Variants in GPC5 observed in about 807,000 individuals in gnomAD.
GPC5 encodes the protein glypican 5.
A neutral mutation model predicts 53.9 loss-of-function variants in GPC5; 47 were observed. That is an observed-to-expected ratio of 0.87 (90% CI 0.69 to 1.11). The LOEUF is 1.11. GPC5 is among the 50% of genes most tolerant of loss of function. The probability of loss-of-function intolerance (pLI) is 0.00; values close to 1 mark genes in which losing one functional copy is unlikely to be tolerated. For synonymous variants in GPC5, 286 were observed against 263.3 expected, an observed-to-expected ratio of 1.09 and a Z score of -0.84; for missense variants, 748 against 713.1, an observed-to-expected ratio of 1.05 and a Z score of -0.56.
intron 7 of GPC5, among the ~76,000 whole-genome samples, chr13:92,842,299 A>G (rs1381557657): frequency 6.6e-6 from 1 of 152,124 alleles, no homozygotes; most frequent in African/African-American, 2.4e-5. Flanking sequence ...CTCATGGCAC[A>G]AGCAGCATGA....
chr13:91,440,014 T>C (rs556626356), intron 1 of GPC5, among the ~76,000 whole-genome samples: 1 of 152,320 alleles, frequency 6.6e-6, no homozygotes, highest in Admixed American at 6.5e-5. Context: ...TTCTTGCCTT[T>C]TCCTTTTTTC....
intron 6 of GPC5, among the ~76,000 whole-genome samples, chr13:91,983,805 C>G (rs1037202988): frequency 6.6e-6 from 1 of 152,164 alleles, no homozygotes; most frequent in African/African-American, 2.4e-5. Flanking sequence ...ATTTCATATT[C>G]GTAATTGGAA....
intron 6 of GPC5, among the ~76,000 whole-genome samples, chr13:91,987,537 G>T (rs1347957589): frequency 6.6e-6 from 1 of 151,760 alleles, no homozygotes; most frequent in African/African-American, 2.4e-5. Context: ...TATGCATTTA[G>T]TTCACTTTGT....
At chr13:92,549,880 C>CAT (rs1252986062) in intron 7 of GPC5, among the ~76,000 whole-genome samples, 2 of 104,922 alleles carry the variant, frequency 1.9e-5, no homozygotes, top group African/African-American at 4.4e-5. Flanking sequence ...ACCAAACACA[C>CAT]ACATACACAC....
chr13:91,665,766 A>G (rs11843298), intron 2 of GPC5, among the ~76,000 whole-genome samples: 38,268 of 151,948 alleles, frequency 0.25, 6,688 homozygotes, highest in African/African-American at 0.49. Flanking sequence ...CAGCCTCCCA[A>G]AGTGCTGGGA....
intron 5 of GPC5, among the ~76,000 whole-genome samples, chr13:91,804,563 C>T (rs753174462): frequency 6.6e-6 from 1 of 152,162 alleles, no homozygotes; most frequent in Non-Finnish European, 1.5e-5. Context: ...TGTTAGCCAT[C>T]AAAAGGAGGC....
intron 2 of GPC5, among the ~76,000 whole-genome samples, chr13:91,601,306 T>A (rs1389046745): frequency 6.6e-6 from 1 of 152,204 alleles, no homozygotes; most frequent in Non-Finnish European, 1.5e-5. Flanking sequence ...ATTTATCCCA[T>A]CTTGGACTTA....
At chr13:91,708,880 A>G (rs996237138) in intron 3 of GPC5, among the ~76,000 whole-genome samples, 2 of 152,216 alleles carry the variant, frequency 1.3e-5, no homozygotes, top group African/African-American at 4.8e-5. Flanking sequence ...ACTATGACAT[A>G]TTAAATATGT....
chr13:92,049,469 G>T (rs568983560), intron 6 of GPC5, among the ~76,000 whole-genome samples: 24 of 152,108 alleles, frequency 1.6e-4, no homozygotes, highest in Admixed American at 9.2e-4. Flanking sequence ...CTGAGCTCCA[G>T]ATAAAAAGAC....
intron 7 of GPC5, among the ~76,000 whole-genome samples, chr13:92,747,790 G>C (rs1889275675): frequency 6.6e-6 from 1 of 152,128 alleles, no homozygotes; most frequent in South Asian, 2.1e-4. Flanking sequence ...GGCATTTACT[G>C]CTACAATATA....
At chr13:92,148,743 G>A (rs2041886385) in intron 7 of GPC5, among the ~76,000 whole-genome samples, 1 of 152,052 alleles carries the variant, frequency 6.6e-6, no homozygotes. Flanking sequence ...GCTAACTGAT[G>A]AAGGTTCTAA....
At chr13:91,836,750 T>A (rs933751370) in intron 5 of GPC5, among the ~76,000 whole-genome samples, 2 of 151,852 alleles carry the variant, frequency 1.3e-5, no homozygotes, top group African/African-American at 4.8e-5. Context: ...AATCCTTAAT[T>A]TTTGCTGACT....
intron 7 of GPC5, among the ~76,000 whole-genome samples, chr13:92,583,588 G>A (rs1440847035): frequency 1.3e-5 from 2 of 152,150 alleles, no homozygotes; most frequent in African/African-American, 4.8e-5. Flanking sequence ...AGGAGTTTCT[G>A]GAACCCAGCA....
chr13:91,684,085 T>C (rs2035568421), intron 2 of GPC5, among the ~76,000 whole-genome samples: 1 of 152,190 alleles, frequency 6.6e-6, no homozygotes. Context: ...TCTACTTGCA[T>C]TATTTTCTTC....
At chr13:92,320,632 C>T (rs2043209486) in intron 7 of GPC5, among the ~76,000 whole-genome samples, 1 of 152,102 alleles carries the variant, frequency 6.6e-6, no homozygotes, top group African/African-American at 2.4e-5. Flanking sequence ...TTCTTAATGA[C>T]CCTTGATAAG....
chr13:92,669,420 C>A (rs1886676062), intron 7 of GPC5, among the ~76,000 whole-genome samples: 1 of 152,176 alleles, frequency 6.6e-6, no homozygotes, highest in South Asian at 2.1e-4. Context: ...CATACACTTA[C>A]TTTCACAAAT....
At chr13:92,559,365 TGTG>T (rs1882615744) in intron 7 of GPC5, among the ~76,000 whole-genome samples, 3 of 149,168 alleles carry the variant, frequency 2.0e-5, no homozygotes, top group African/African-American at 7.6e-5. Context: ...TGTGTGTGTG[TGTG>T]TTGGGGTGTG....
At chr13:91,638,515 G>A (rs1594364912) in intron 2 of GPC5, among the ~76,000 whole-genome samples, 2 of 151,904 alleles carry the variant, frequency 1.3e-5, no homozygotes, top group African/African-American at 4.8e-5. Flanking sequence ...ACAGGCATGT[G>A]CCACCATACT....
chr13:92,485,896 G>T (rs557430149), intron 7 of GPC5, among the ~76,000 whole-genome samples: 1 of 152,292 alleles, frequency 6.6e-6, no homozygotes, highest in East Asian at 1.9e-4. Flanking sequence ...AATCTGGGAG[G>T]CAGAGGTTGC....
Sources: allele counts gnomAD v4.1 joint callset (sites outside exome capture counted in the v4.1 genomes callset), GRCh38; gene constraint gnomAD v4.1.1; transcripts MANE v1.5; gene names NCBI Gene and HGNC (gene_info 2026-07-23, HGNC 2026-07-21).